COX7B2: variants seen among roughly 807,000 people sequenced by gnomAD.
COX7B2 encodes cytochrome c oxidase subunit 7B2, mitochondrial.
For synonymous variants in COX7B2, 37 were observed against 32.1 expected (o/e 1.15, Z -0.51); for missense variants, 109 against 95.9 (o/e 1.14, Z -0.57).
At chr4:46,886,954 C>T (rs990276045) in intron 1 of COX7B2, among the ~76,000 whole-genome samples, 1 of 152,140 alleles carries the variant, frequency 6.6e-6, no homozygotes, top group Non-Finnish European at 1.5e-5. Flanking sequence ...GAAAAAAAAT[C>T]GCAGACATAT....
At chr4:46,807,339 A>G (rs568819693) in intron 2 of COX7B2, among the ~76,000 whole-genome samples, 19 of 151,962 alleles carry the variant, frequency 1.3e-4, no homozygotes, top group African/African-American at 4.6e-4. Flanking sequence ...ATGTCTTCTG[A>G]CCATGATTTA....
chr4:46,842,488 T>A (rs1715996594), intron 2 of COX7B2, among the ~76,000 whole-genome samples: 1 of 152,190 alleles, frequency 6.6e-6, no homozygotes, highest in African/African-American at 2.4e-5. Context: ...GCCATGCTGA[T>A]GTGCTGCACC....
At chr4:46,903,428 A>G (rs190125089) in intron 1 of COX7B2, among the ~76,000 whole-genome samples, 36 of 152,214 alleles carry the variant, frequency 2.4e-4, no homozygotes, top group Admixed American at 2.2e-3. Context: ...GTGACATAGT[A>G]GTCCTTGTAA....
intron 2 of COX7B2, among the ~76,000 whole-genome samples, chr4:46,829,803 T>C (rs544670315): frequency 6.6e-6 from 1 of 152,082 alleles, no homozygotes; most frequent in Non-Finnish European, 1.5e-5. Flanking sequence ...ATATAGGAAG[T>C]GACATAAAAT....
At chr4:46,832,154 G>A (rs528722075) in intron 2 of COX7B2, among the ~76,000 whole-genome samples, 5 of 152,042 alleles carry the variant, frequency 3.3e-5, no homozygotes, top group Admixed American at 6.6e-5. Flanking sequence ...TTGTTCTTTC[G>A]CTCTTTGCTA....
intron 2 of COX7B2, among the ~76,000 whole-genome samples, chr4:46,776,818 G>A (rs1193603305): frequency 1.3e-5 from 2 of 152,032 alleles, no homozygotes; most frequent in Non-Finnish European, 2.9e-5. Context: ...AAGCAACATA[G>A]GATCTCCAAC....
At chr4:46,745,108 A>G (rs1714944375) in intron 2 of COX7B2, among the ~76,000 whole-genome samples, 1 of 152,194 alleles carries the variant, frequency 6.6e-6, no homozygotes, top group Non-Finnish European at 1.5e-5. Flanking sequence ...TGCCAACCAG[A>G]ACTCAAGCCA....
chr4:46,880,848 T>G (rs1577691655), intron 1 of COX7B2, among the ~76,000 whole-genome samples: 9 of 98,378 alleles, frequency 9.1e-5, no homozygotes, highest in Non-Finnish European at 1.2e-4. Context: ...TGTGGTGGGG[T>G]TGGGGGAGGG....
chr4:46,792,572 T>C (rs1034679320), intron 2 of COX7B2, among the ~76,000 whole-genome samples: 3 of 152,178 alleles, frequency 2.0e-5, no homozygotes, highest in African/African-American at 7.2e-5. Context: ...CTATCGGTGC[T>C]CCTAGTTCTC....
chr4:46,763,987 G>A (rs1400702951), intron 2 of COX7B2, among the ~76,000 whole-genome samples: 1 of 152,142 alleles, frequency 6.6e-6, no homozygotes, highest in African/African-American at 2.4e-5. Flanking sequence ...GGGCAGTCAG[G>A]AAGAGTTTGG....
chr4:46,865,397 T>C lies in COX7B2; in HGVS notation c.-104-20383A>G, dbSNP rs1490622701. Among the ~76,000 whole-genome samples the C allele has an allele frequency of 2.0e-5, 3 of 152,308 alleles. No individual in the cohort carries two copies. The East Asian group carries it at 5.8e-4, about 29-fold the overall frequency. On this transcript the variant is annotated intron_variant, in intron 1 of 2. Transcript: ENST00000355591. Reference sequence around the variant, plus strand: ...TTGGTTCCACATCTTTGTAACTGTGTATTGTGTTGTGATAAGCATATATGT... The same window carrying C: ...TTGGTTCCACATCTTTGTAACTGTGCATTGTGTTGTGATAAGCATATATGT...
intron 1 of COX7B2, among the ~76,000 whole-genome samples, chr4:46,908,069 T>C (rs1720517045): frequency 6.6e-6 from 1 of 151,896 alleles, no homozygotes; most frequent in South Asian, 2.1e-4. Context: ...GCCAGGATGG[T>C]CTCGATCTCT....
chr4:46,858,867 A>G (rs886587487), intron 1 of COX7B2, among the ~76,000 whole-genome samples: 1 of 152,204 alleles, frequency 6.6e-6, no homozygotes, highest in Non-Finnish European at 1.5e-5. Flanking sequence ...GGAAGGGATT[A>G]ACCACTTTTA....
chr4:46,881,875 C>T (rs1325335393), intron 1 of COX7B2, among the ~76,000 whole-genome samples: 1 of 152,064 alleles, frequency 6.6e-6, no homozygotes, highest in East Asian at 1.9e-4. Context: ...CTAATTCTTT[C>T]AGTTGTGATG....
chr4:46,858,542 G>C (rs1367296283), intron 1 of COX7B2, among the ~76,000 whole-genome samples: 2 of 152,114 alleles, frequency 1.3e-5, no homozygotes, highest in Non-Finnish European at 2.9e-5. Context: ...TATAATTCTA[G>C]AGCTTTAAAA....
intron 1 of COX7B2, among the ~76,000 whole-genome samples, chr4:46,873,481 T>C (rs192508602): frequency 6.6e-6 from 1 of 152,174 alleles, no homozygotes; most frequent in East Asian, 1.9e-4. Context: ...CCAGCATCTG[T>C]TGTTTCCTGA....
chr4:46,868,243 T>A (rs1392978297), intron 1 of COX7B2, among the ~76,000 whole-genome samples: 1 of 152,170 alleles, frequency 6.6e-6, no homozygotes, highest in African/African-American at 2.4e-5. Flanking sequence ...CCATTTCTAA[T>A]TGTGTTTATG....
intron 1 of COX7B2, among the ~76,000 whole-genome samples, chr4:46,858,338 CT>C (rs1379797880): frequency 1.3e-5 from 2 of 152,160 alleles, no homozygotes; most frequent in African/African-American, 4.8e-5. Flanking sequence ...TCAAGTGATC[CT>C]CCTGCCTCGG....
At chr4:46,756,595 TCAA>T (rs1391967462) in intron 2 of COX7B2, among the ~76,000 whole-genome samples, 1 of 151,572 alleles carries the variant, frequency 6.6e-6, no homozygotes, top group Non-Finnish European at 1.5e-5. Flanking sequence ...CTCAAGCAAC[TCAA>T]CAACAACAAG....
Sources: allele counts gnomAD v4.1 joint callset (sites outside exome capture counted in the v4.1 genomes callset), GRCh38; gene constraint gnomAD v4.1.1; transcripts MANE v1.5; gene names NCBI Gene and HGNC (gene_info 2026-07-23, HGNC 2026-07-21).